Variants in SLC35E1 observed in about 807,000 individuals in gnomAD.
The protein encoded by SLC35E1 is solute carrier family 35 member E1.
Under a neutral mutation model 31.0 loss-of-function variants are expected in SLC35E1, and 12 were observed. The ratio of observed to expected loss-of-function variants is 0.39; its 90% CI spans 0.25 to 0.63. The LOEUF (loss-of-function observed/expected upper bound fraction) is 0.63, where lower values mean the gene tolerates loss of function less well. SLC35E1 is among the 20% of genes least tolerant of loss of function. The pLI is 0.52. For synonymous variants in SLC35E1, 257 were observed against 264.1 expected (o/e 0.97, Z 0.26); for missense variants, 429 against 572.2 (o/e 0.75, Z 2.55).
Position 16,571,520 on chromosome 19 carries a change from T to A in SLC35E1, c.484A>T (p.Ser162Cys), listed in dbSNP as rs1230819695. Residue 162 changes from serine to cysteine, a missense_variant, in exon 2 of 6, where the codon AGC (serine) becomes TGC (cysteine). By Grantham distance (112) the Ser-to-Cys change is moderately radical (BLOSUM62 -1). Coordinates refer to ENST00000595753, the MANE Select transcript of SLC35E1 (RefSeq NM_024881.5). ...TCCCTGCCCGGGGTTACCTTGGTGC[T>A]CTGCTTCTCCTTCATAATGATCCGG... is the stretch of plus-strand genomic sequence containing the variant. ...LSRIIMKEKQ[S>C]TKVYLSLIPI... 1 of 1,613,790 alleles carries A rather than the reference T, an allele frequency of 6.2e-7. No homozygotes were observed. Among genetic ancestry groups the A allele is most frequent in the Non-Finnish European group, 8.5e-7 (1 of 1,179,924 alleles).
chr19:16,560,568 A>T (rs2085899412), intron 4 of SLC35E1, among the ~76,000 whole-genome samples: 1 of 152,102 alleles, frequency 6.6e-6, no homozygotes, highest in Non-Finnish European at 1.5e-5. Context: ...AATAGAAAAA[A>T]ACCTAACAGA....
chr19:16,556,475 C>A (rs1011851984), intron 4 of SLC35E1, among the ~76,000 whole-genome samples: 3 of 152,156 alleles, frequency 2.0e-5, no homozygotes, highest in Non-Finnish European at 4.4e-5. Context: ...CGCCATAGCA[C>A]CCCAGCCTGG....
rs544536575 is a variant in SLC35E1 at position 16,555,604 on chromosome 19, G to T, written c.757-207C>A. On this transcript the variant is annotated intron_variant, in intron 4 of 5. Coordinates refer to ENST00000595753, the MANE Select transcript of SLC35E1 (RefSeq NM_024881.5). The surrounding 1 kb of genome is among the most constrained non-coding windows in gnomAD (Gnocchi z 4.1). The stretch of plus-strand genomic sequence containing the variant: ...AGAACCTCATGACACCACACAGCAT[G>T]GGAATCACCCGCCGTCTCCTGCCAA... 19 of 611,058 alleles carry T rather than the reference G, an allele frequency of 3.1e-5. No homozygotes were observed. The highest frequency in any genetic ancestry group is 2.8e-4 in the African/African-American group (15 of 54,184). The allele number at this position is 611,058 out of a possible 1,614,324, so 37.9% of individuals were successfully genotyped here. A position where few individuals can be genotyped will look rare whatever the true frequency, so the allele number is the denominator to read the frequency against.
intron 5 of SLC35E1, among the ~76,000 whole-genome samples, chr19:16,554,260 T>C (rs1599761753): frequency 7.9e-6 from 1 of 126,116 alleles, no homozygotes; most frequent in South Asian, 2.5e-4. Context: ...AGCAAGACGC[T>C]GTCTCAGAAA....
intron 5 of SLC35E1, among the ~76,000 whole-genome samples, chr19:16,554,687 A>G (rs570983791): frequency 6.6e-5 from 10 of 151,930 alleles, no homozygotes; most frequent in Admixed American, 2.0e-4. Flanking sequence ...CAGGTGTGGT[A>G]GGCGCCTGTA....
chr19:16,557,873 G>A (rs1198346456), intron 4 of SLC35E1, among the ~76,000 whole-genome samples: 1 of 152,124 alleles, frequency 6.6e-6, no homozygotes, highest in Non-Finnish European at 1.5e-5. Flanking sequence ...CAGTGCAGTG[G>A]TGGGATCTCT....
intron 4 of SLC35E1, chr19:16,556,942 G>A (rs1340468198): frequency 2.1e-6 from 1 of 471,438 alleles, no homozygotes; most frequent in Non-Finnish European, 4.4e-6. Context: ...ACACCCTGCA[G>A]CTTCTGCGGG....
intron 4 of SLC35E1, chr19:16,566,242 G>A (rs1049169448): frequency 1.9e-5 from 7 of 377,502 alleles, no homozygotes; most frequent in Admixed American, 1.3e-4. Flanking sequence ...GGACTATACT[G>A]TCAGGAGGTG....
At chr19:16,561,233 AAAAAAAAAAAG>A (rs2085904625) in intron 4 of SLC35E1, among the ~76,000 whole-genome samples, 1 of 144,726 alleles carries the variant, frequency 6.9e-6, no homozygotes, top group African/African-American at 2.6e-5. Flanking sequence ...AAAAAAAAAA[AAAAAAAAAAAG>A]AAAGAAAAGA....
chr19:16,560,560 T>C (rs758333496), intron 4 of SLC35E1, among the ~76,000 whole-genome samples: 32 of 151,038 alleles, frequency 2.1e-4, no homozygotes, highest in Non-Finnish European at 3.0e-4. Flanking sequence ...AAAAAGAAAA[T>C]AGAAAAAAAC....
chr19:16,563,206 C>T lies in SLC35E1; in HGVS notation c.756+3326G>A, dbSNP rs947631072. Among the ~76,000 whole-genome samples the T allele has an allele frequency of 1.1e-4, 16 of 151,980 alleles. 1 individual carries two copies. The highest frequency in any genetic ancestry group is 4.4e-5 in the Non-Finnish European group (3 of 67,992). On this transcript the variant is annotated intron_variant, in intron 4 of 5. Coordinates refer to ENST00000595753, the MANE Select transcript of SLC35E1 (RefSeq NM_024881.5). ...GGGCGCGGTGGTGGGTGTCTGTAGT[C>T]CCAGCTACTCGGGAGGCTGAGGCAG...
Position 16,571,788 on chromosome 19 carries a change from C to G in SLC35E1, c.421+156G>C, listed in dbSNP as rs549694203. On this transcript the variant is annotated intron_variant, in intron 1 of 5. Coordinates refer to ENST00000595753, the MANE Select transcript of SLC35E1 (RefSeq NM_024881.5). Reference sequence around the variant, plus strand: ...TCTCAGCTCCTCTTCTCCCTGAGAACCCCGTGCGTGTCCCTCCCCTACCAA... The same window carrying G: ...TCTCAGCTCCTCTTCTCCCTGAGAAGCCCGTGCGTGTCCCTCCCCTACCAA... Among the ~76,000 whole-genome samples the G allele has an allele frequency of 1.7e-3, 263 of 152,332 alleles. 2 individuals carry two copies. Among genetic ancestry groups the G allele is most frequent in the African/African-American group, 5.9e-3 (246 of 41,588 alleles).
At chr19:16,556,561 C>G (rs951751763) in intron 4 of SLC35E1, among the ~76,000 whole-genome samples, 2 of 152,348 alleles carry the variant, frequency 1.3e-5, no homozygotes, top group South Asian at 4.1e-4. Flanking sequence ...TGAGGCCATT[C>G]TGACTAAGGG....
chr19:16,558,319 C>T (rs534571341), intron 4 of SLC35E1, among the ~76,000 whole-genome samples: 5 of 151,060 alleles, frequency 3.3e-5, no homozygotes, highest in Non-Finnish European at 5.9e-5. Flanking sequence ...GCTGGGACTA[C>T]AGGTGTGAGC....
At chr19:16,566,702 G>A (rs1247997776) in intron 3 of SLC35E1, 45 bp from the exon 4 acceptor site, 1 of 1,577,192 alleles carries the variant, frequency 6.3e-7, no homozygotes, top group African/African-American at 1.4e-5. Flanking sequence ...AACTATATGT[G>A]GCAAAAAGGG....
At position 16,566,537 on chromosome 19, in the gene SLC35E1, C is replaced by T. The variant is rs140736951; in HGVS notation, c.751G>A (p.Asp251Asn). Reference protein sequence around the residue: ...VDLSAFLVSSDLTYVYQWPWT... With the variant: ...VDLSAFLVSSNLTYVYQWPWT... ...CTTGGTGCTGTACAACTCACCAAGTCGCTGCTGACCAGGAAAGCCGAGAGG... is the reference window on the plus strand; with the variant it reads ...CTTGGTGCTGTACAACTCACCAAGTTGCTGCTGACCAGGAAAGCCGAGAGG... The change falls in exon 4 of 6, where the codon GAC becomes AAC. Residue 251 changes from aspartate (D) to asparagine (N), a missense_variant. By Grantham distance (23) the Asp-to-Asn change is conservative (BLOSUM62 1). Coordinates refer to ENST00000595753, the MANE Select transcript of SLC35E1 (RefSeq NM_024881.5). The T allele has an allele frequency of 6.8e-6, 11 of 1,612,510 alleles. No homozygotes were observed. Among genetic ancestry groups the T allele is most frequent in the South Asian group, 1.1e-5 (1 of 90,992 alleles).
intron 4 of SLC35E1, among the ~76,000 whole-genome samples, chr19:16,559,072 C>T (rs1003374384): frequency 2.6e-5 from 4 of 152,052 alleles, no homozygotes; most frequent in Non-Finnish European, 5.9e-5. Flanking sequence ...CCAGCCAATC[C>T]CGTGAGTTTT....
intron 1 of SLC35E1, among the ~76,000 whole-genome samples, 168 bp from the exon 2 acceptor site, chr19:16,571,750 CTCTCAGCTCTCT>C (rs1358638309): frequency 6.6e-6 from 1 of 152,216 alleles, no homozygotes. Flanking sequence ...TCCTGCTTAC[CTCTCAGCTCTCT>C]TCTCAGCTCC....
intron 4 of SLC35E1, chr19:16,564,955 T>C (rs1368805282): frequency 2.9e-6 from 1 of 345,992 alleles, no homozygotes; most frequent in East Asian, 8.0e-5. Context: ...TATCCACTAC[T>C]TCAGCAGGTG....
Sources: gnomAD v4.1 joint callset for allele counts (sites outside exome capture counted in the v4.1 genomes callset) on GRCh38, gnomAD v4.1.1 for gene constraint, Gnocchi (gnomAD v3.1) non-coding constraint, MANE v1.5 for transcripts, NCBI Gene and HGNC (gene_info 2026-07-23, HGNC 2026-07-21) for gene names.